Variants in SEM1 observed in about 807,000 individuals in gnomAD.
The protein encoded by SEM1 is 26S proteasome complex subunit SEM1.
A neutral mutation model predicts 12.7 loss-of-function variants in SEM1; 3 were observed. The observed-to-expected ratio is 0.24, with a 90% CI of 0.11 to 0.61. SEM1 has a LOEUF of 0.61. SEM1 is among the 20% of genes least tolerant of loss of function. The pLI is 0.88. For synonymous variants in SEM1, 30 were observed against 27.8 expected (o/e 1.08, Z -0.25); for missense variants, 59 against 81.3 (o/e 0.73, Z 1.06).
rs373843571 is a variant in SEM1 at position 96,566,177 on chromosome 7, T to C, written c.171-59479A>G. On this transcript the variant is annotated intron_variant and NMD_transcript_variant, in intron 2 of 3. Transcript: ENST00000466986. Reference sequence around the variant, plus strand: ...TTAAAAAGTTAAACATACAGTATAATATGCCGTAAAAAGTACATGCTCATC... The same window carrying C: ...TTAAAAAGTTAAACATACAGTATAACATGCCGTAAAAAGTACATGCTCATC... Among the ~76,000 whole-genome samples, 35 of 151,828 alleles carry C rather than the reference T, an allele frequency of 2.3e-4. No individual in the cohort carries two copies. The East Asian group carries it at 2.7e-3, about 12-fold the overall frequency.
At chr7:96,650,954 G>C (rs1231712415) in intron 2 of SEM1, among the ~76,000 whole-genome samples, 1 of 152,104 alleles carries the variant, frequency 6.6e-6, no homozygotes, top group Non-Finnish European at 1.5e-5. Context: ...GGACATCTGT[G>C]CCTCTGGGTT....
At chr7:96,629,184 C>T (rs562883490) in intron 2 of SEM1, among the ~76,000 whole-genome samples, 6 of 152,078 alleles carry the variant, frequency 3.9e-5, no homozygotes, top group Non-Finnish European at 1.5e-5. Context: ...GTATCTTTCT[C>T]TAGGTTTGGG....
chr7:96,663,511 G>A (rs956379464), intron 2 of SEM1, among the ~76,000 whole-genome samples: 5 of 152,122 alleles, frequency 3.3e-5, no homozygotes, highest in Non-Finnish European at 7.3e-5. Flanking sequence ...GAAAAGAGAG[G>A]GGCGAGAAGA....
At chr7:96,646,777 A>G (rs1283491516) in intron 2 of SEM1, among the ~76,000 whole-genome samples, 4 of 152,184 alleles carry the variant, frequency 2.6e-5, no homozygotes, top group Non-Finnish European at 5.9e-5. Flanking sequence ...ATACAATTGG[A>G]TCCCCATGTA....
chr7:96,650,191 A>G (rs1808927655), intron 2 of SEM1: 1 of 327,450 alleles, frequency 3.1e-6, no homozygotes, highest in Admixed American at 4.7e-5. Flanking sequence ...AGAGGTTTCC[A>G]TAACTGACTT....
intron 1 of SEM1, chr7:96,695,578 C>T (rs919713122): frequency 3.3e-5 from 5 of 151,630 alleles, no homozygotes; most frequent in Non-Finnish European, 5.9e-5. Flanking sequence ...TGGGTTGAGC[C>T]TGGAAATAGA....
chr7:96,496,125 T>A (rs1311954861), intron 1 of SEM1, among the ~76,000 whole-genome samples: 2 of 152,180 alleles, frequency 1.3e-5, no homozygotes, highest in Non-Finnish European at 2.9e-5. Flanking sequence ...AGCAAAAGCA[T>A]CAGAATACCC....
intron 1 of SEM1, among the ~76,000 whole-genome samples, chr7:96,492,127 G>T (rs1803034548): frequency 3.9e-5 from 6 of 152,046 alleles, no homozygotes; most frequent in Admixed American, 3.3e-4. Context: ...CATTTCAGTG[G>T]CATTAAGTAC....
At chr7:96,632,986 A>C (rs1808321269) in intron 2 of SEM1, among the ~76,000 whole-genome samples, 1 of 151,526 alleles carries the variant, frequency 6.6e-6, no homozygotes, top group Admixed American at 6.6e-5. Flanking sequence ...GAGTTTTTTT[A>C]ATTTTCTTGA....
chr7:96,679,934 C>T (rs1789556566), intron 2 of SEM1, among the ~76,000 whole-genome samples: 2 of 152,106 alleles, frequency 1.3e-5, no homozygotes, highest in South Asian at 4.1e-4. Context: ...CACTTCCACG[C>T]AGGAAAGCTC....
intron 2 of SEM1, among the ~76,000 whole-genome samples, chr7:96,680,112 A>G (rs1406235943): frequency 6.6e-6 from 1 of 152,086 alleles, no homozygotes; most frequent in Non-Finnish European, 1.5e-5. Flanking sequence ...CTCCCCTAGG[A>G]CAGGATAACT....
At chr7:96,643,605 C>T (rs1808687481) in intron 2 of SEM1, among the ~76,000 whole-genome samples, 1 of 152,044 alleles carries the variant, frequency 6.6e-6, no homozygotes, top group African/African-American at 2.4e-5. Flanking sequence ...CACATATACA[C>T]CATGGAATAC....
intron 2 of SEM1, among the ~76,000 whole-genome samples, chr7:96,635,389 G>A (rs776248820): frequency 5.9e-5 from 9 of 152,096 alleles, no homozygotes; most frequent in Non-Finnish European, 8.8e-5. Context: ...GGCAATAATC[G>A]ATGATTATAT....
chr7:96,504,387 T>C (rs1803678121), intron 3 of SEM1, among the ~76,000 whole-genome samples: 1 of 152,140 alleles, frequency 6.6e-6, no homozygotes, highest in African/African-American at 2.4e-5. Context: ...TTAGGTTTTT[T>C]CAAAAACTTT....
At position 96,583,559 on chromosome 7, in the gene SEM1, G is replaced by T. The variant is rs1366237017; in HGVS notation, c.171-76861C>A. 2.7e-5 allele frequency among the ~76,000 whole-genome samples: 4 copies of T among 149,808 alleles called. 1 individual carries two copies. Among genetic ancestry groups the T allele is most frequent in the African/African-American group, 9.8e-5 (4 of 40,968 alleles). ...TTTCTGTCTTGTTGATCTGTCTAAT[G>T]TTGACAGTGGTGTGTTAAAGTCTCC... On this transcript the variant is annotated intron_variant and NMD_transcript_variant, in intron 2 of 3. Transcript: ENST00000466986.
rs572276333 is a variant in SEM1 at position 96,646,640 on chromosome 7, GCCCACT to G, written c.171-24003_171-23998del. ...TCTGGATTCCTCAGTGAAGTTGTTT[GCCCACT>G]CCCACTCCCACTCCCACCTCCGACT... On this transcript the variant is annotated intron_variant, in intron 2 of 2. Coordinates refer to the SEM1 transcript ENST00000417009. 5.2e-3 allele frequency among the ~76,000 whole-genome samples: 793 copies of G among 152,124 alleles called. 3 individuals are homozygous for G. The highest frequency in any genetic ancestry group is 9.0e-3 in the Non-Finnish European group (615 of 67,994).
At chr7:96,598,802 AGTT>A (rs1365504290) in intron 2 of SEM1, among the ~76,000 whole-genome samples, 1 of 152,178 alleles carries the variant, frequency 6.6e-6, no homozygotes, top group Non-Finnish European at 1.5e-5. Flanking sequence ...TCTTGACTGA[AGTT>A]GTTGTTTGCC....
chr7:96,691,605 T>C (rs1041366392), intron 2 of SEM1, among the ~76,000 whole-genome samples: 3 of 152,210 alleles, frequency 2.0e-5, no homozygotes, highest in Admixed American at 6.5e-5. Context: ...CCATGACTTA[T>C]GATATTATGT....
intron 2 of SEM1, among the ~76,000 whole-genome samples, chr7:96,646,956 C>T (rs1416035002): frequency 6.6e-6 from 1 of 152,158 alleles, no homozygotes; most frequent in African/African-American, 2.4e-5. Context: ...TCCTTTCAAA[C>T]TACAGTTAGA....
Sources: allele counts gnomAD v4.1 joint callset (sites outside exome capture counted in the v4.1 genomes callset), GRCh38; gene constraint gnomAD v4.1.1; transcripts MANE v1.5; gene names NCBI Gene and HGNC (gene_info 2026-07-23, HGNC 2026-07-21).